The following INPP5A variants were observed in gnomAD, a reference collection of about 807,000 sequenced individuals.
INPP5A encodes inositol polyphosphate-5-phosphatase A.
Under a neutral mutation model 65.2 loss-of-function variants are expected in INPP5A, and 14 were observed. The ratio of observed to expected loss-of-function variants is 0.21; its 90% CI spans 0.14 to 0.34. The LOEUF is 0.34. Ranked by LOEUF, INPP5A falls within the 10% of genes least tolerant of loss-of-function variation. The probability of loss-of-function intolerance (pLI) is 1.00; values close to 1 mark genes in which losing one functional copy is unlikely to be tolerated. For missense variants in INPP5A, 431 were observed against 545.6 expected (o/e 0.79, Z 2.09); for synonymous variants, 207 against 208.3 (o/e 0.99, Z 0.05).
intron 4 of INPP5A, among the ~76,000 whole-genome samples, chr10:132,653,274 C>T (rs563873098): frequency 6.6e-6 from 1 of 152,070 alleles, no homozygotes; most frequent in Non-Finnish European, 1.5e-5. Flanking sequence ...TCCCGAGGGC[C>T]GCGGCTGCCT....
chr10:132,731,833 G>A (rs928512160), intron 9 of INPP5A, among the ~76,000 whole-genome samples: 3 of 152,244 alleles, frequency 2.0e-5, no homozygotes, highest in African/African-American at 7.2e-5. Context: ...ACCGAGGCAT[G>A]CCCAGGGCGT....
chr10:132,548,622 C>T (rs999083134), intron 1 of INPP5A, among the ~76,000 whole-genome samples: 2 of 152,182 alleles, frequency 1.3e-5, no homozygotes, highest in East Asian at 1.9e-4. Flanking sequence ...TCCCTGCTCC[C>T]GGCCCTGGGC....
At chr10:132,684,352 A>G (rs751514056) in intron 4 of INPP5A, among the ~76,000 whole-genome samples, 2 of 152,210 alleles carry the variant, frequency 1.3e-5, no homozygotes, top group African/African-American at 4.8e-5. Context: ...CTGTGTGTGC[A>G]TTCCACGTGT....
At chr10:132,713,986 G>C (rs776221185) in intron 8 of INPP5A, among the ~76,000 whole-genome samples, 1 of 152,144 alleles carries the variant, frequency 6.6e-6, no homozygotes, top group Non-Finnish European at 1.5e-5. Flanking sequence ...GGAGCGGCGC[G>C]GTTCTTCCTG....
intron 2 of INPP5A, among the ~76,000 whole-genome samples, chr10:132,623,392 A>AACAGTTTTTTTTTT (rs1236836068): frequency 6.6e-6 from 1 of 151,506 alleles, no homozygotes; most frequent in Non-Finnish European, 1.5e-5. Flanking sequence ...TAAAGAAAGG[A>AACAGTTTTTTTTTT]ACAGTTTTTT....
chr10:132,591,078 A>G (rs1041735856), intron 1 of INPP5A, among the ~76,000 whole-genome samples: 3 of 146,768 alleles, frequency 2.0e-5, no homozygotes, highest in Non-Finnish European at 3.0e-5. Flanking sequence ...ATCTTCTGTG[A>G]CTCCTCTATG....
intron 1 of INPP5A, among the ~76,000 whole-genome samples, chr10:132,554,855 C>G (rs1204453417): frequency 4.0e-5 from 5 of 123,846 alleles, no homozygotes; most frequent in Admixed American, 2.5e-4. Context: ...GTGGTGTGAT[C>G]AATGTGGGTG....
intron 3 of INPP5A, among the ~76,000 whole-genome samples, chr10:132,646,829 T>C (rs569213473): frequency 3.9e-5 from 6 of 152,010 alleles, no homozygotes; most frequent in Non-Finnish European, 5.9e-5. Context: ...GGGCCGACGC[T>C]GCTGCCACGC....
intron 8 of INPP5A, among the ~76,000 whole-genome samples, chr10:132,723,550 ATTGGCCG>A (rs1188561406): frequency 1.5e-5 from 2 of 136,570 alleles, no homozygotes; most frequent in African/African-American, 5.8e-5. Flanking sequence ...CCGTGTGGGG[ATTGGCCG>A]TGTGGGGATT....
intron 9 of INPP5A, among the ~76,000 whole-genome samples, chr10:132,732,534 C>T (rs914454881): frequency 2.0e-5 from 3 of 152,234 alleles, no homozygotes; most frequent in Non-Finnish European, 4.4e-5. Context: ...TCAACACAGT[C>T]GTCAGCTGTG....
rs1454096587 is a variant in INPP5A at position 132,547,544 on chromosome 10, G to A, written c.75+9373G>A. 6.6e-6 allele frequency among the ~76,000 whole-genome samples: 1 copy of A among 152,198 alleles called. No individual in the cohort carries two copies. The highest frequency in any genetic ancestry group is 1.5e-5 in the Non-Finnish European group (1 of 68,024). On this transcript the variant is annotated intron_variant, in intron 1 of 15. Coordinates refer to ENST00000368594, the MANE Select transcript of INPP5A (RefSeq NM_005539.5). The surrounding 1 kb of genome is among the most constrained non-coding windows in gnomAD (Gnocchi z 5.5). ...TCTGCCCACCTGCCTGGCATCTGGG[G>A]TTCCCGGGAGGCCGGGCACCTGCAC...
intron 11 of INPP5A, among the ~76,000 whole-genome samples, chr10:132,752,963 A>T (rs1348976806): frequency 6.6e-6 from 1 of 152,094 alleles, no homozygotes; most frequent in Admixed American, 6.5e-5. Context: ...GTGATTGCGG[A>T]GGCCTGGTGC....
intron 4 of INPP5A, among the ~76,000 whole-genome samples, chr10:132,653,311 C>A (rs1256574875): frequency 6.6e-6 from 1 of 152,038 alleles, no homozygotes; most frequent in Non-Finnish European, 1.5e-5. Context: ...TCTTCAGGCC[C>A]CCGAGGGCTG....
intron 4 of INPP5A, among the ~76,000 whole-genome samples, chr10:132,685,705 T>C (rs1170169097): frequency 6.6e-6 from 1 of 152,204 alleles, no homozygotes; most frequent in Non-Finnish European, 1.5e-5. Context: ...GGTGGCTCCG[T>C]CCGGGAGGTG....
intron 4 of INPP5A, among the ~76,000 whole-genome samples, chr10:132,669,553 G>A (rs1285670068): frequency 1.3e-5 from 2 of 152,168 alleles, no homozygotes; most frequent in South Asian, 2.1e-4. Context: ...GGGGACCGTC[G>A]GTGACATTTC....
intron 6 of INPP5A, among the ~76,000 whole-genome samples, chr10:132,701,161 C>T (rs932134951): frequency 1.7e-4 from 26 of 152,282 alleles, no homozygotes; most frequent in Non-Finnish European, 3.4e-4. Flanking sequence ...TAGATGAAAC[C>T]GGCTGGATTC....
In INPP5A at chr10:132,782,471, C is replaced by CAGT. The variant is rs1847183406; in HGVS notation, c.*442_*443insAGT. The CAGT allele has an allele frequency of 5.0e-6, 1 of 200,192 alleles. No homozygotes were observed. 12.4% of individuals were successfully genotyped at this position (200,192 alleles called of 1,614,324 possible). A position where few individuals can be genotyped will look rare whatever the true frequency, so the allele number is the denominator to read the frequency against. On this transcript the variant is annotated 3_prime_UTR_variant, in exon 16 of 16. Transcript: ENST00000368594. This position sits in a 1 kb window ranked among gnomAD's most constrained non-coding sequence, Gnocchi z 4.4. ...AAGCCGAGACGGGCACTCCCTCTGC[C>CAGT]GGCCGGCAGCGTGGCCCTGAGCATG...
intron 12 of INPP5A, among the ~76,000 whole-genome samples, chr10:132,776,858 G>A (rs1436746911): frequency 6.6e-6 from 1 of 152,178 alleles, no homozygotes; most frequent in Non-Finnish European, 1.5e-5. Context: ...CAGGCTGGTG[G>A]GGGAGTGATC....
intron 4 of INPP5A, among the ~76,000 whole-genome samples, chr10:132,656,618 C>T (rs933227737): frequency 3.9e-5 from 6 of 152,208 alleles, no homozygotes; most frequent in Non-Finnish European, 7.4e-5. Context: ...CGCCTCTTGC[C>T]TGAGCCCCTC....
Sources: allele counts gnomAD v4.1 joint callset (sites outside exome capture counted in the v4.1 genomes callset), GRCh38; gene constraint gnomAD v4.1.1; non-coding constraint Gnocchi (gnomAD v3.1); transcripts MANE v1.5; gene names NCBI Gene and HGNC (gene_info 2026-07-23, HGNC 2026-07-21).